Variants in MGMT observed in about 807,000 individuals in gnomAD.
The protein encoded by MGMT is methylated-DNA--protein-cysteine methyltransferase.
Under a neutral mutation model 15.9 loss-of-function variants are expected in MGMT, and 14 were observed. The observed-to-expected ratio is 0.88, with a 90% CI of 0.58 to 1.37. The LOEUF (loss-of-function observed/expected upper bound fraction) is 1.37. MGMT is among the 40% of genes most tolerant of loss of function. The pLI is 0.00. For missense variants in MGMT, 282 were observed against 268.1 expected, an observed-to-expected ratio of 1.05 and a Z score of -0.36; for synonymous variants, 130 against 118.2, an observed-to-expected ratio of 1.10 and a Z score of -0.65.
At position 129,759,198 on chromosome 10, in the gene MGMT, T is replaced by C. The variant is rs367953562; in HGVS notation, c.275-4T>C. 1.6e-5 allele frequency: 26 copies of C among 1,614,130 alleles called. No individual in the cohort carries two copies. In the African/African-American group the frequency reaches 3.3e-4, roughly 21 times the overall value. On this transcript the variant is annotated splice_polypyrimidine_tract_variant and splice_region_variant and intron_variant, in intron 3 of 4. Transcript: ENST00000651593. ...ATAACATTATCCTGCATTCTTCCTT[T>C]CAGAGTCGTTCACCAGACAGGTGTT...
intron 3 of MGMT, among the ~76,000 whole-genome samples, chr10:129,710,645 G>A (rs977215687): frequency 6.6e-6 from 1 of 152,172 alleles, no homozygotes; most frequent in Admixed American, 6.5e-5. Context: ...ATGTGGATAC[G>A]CCCCTCTCTG....
chr10:129,525,129 C>T (rs969412670), intron 1 of MGMT, among the ~76,000 whole-genome samples: 1 of 152,192 alleles, frequency 6.6e-6, no homozygotes, highest in East Asian at 1.9e-4. Context: ...CTTTCACACA[C>T]ACACACAGCA....
At chr10:129,753,639 A>C (rs1848773500) in intron 3 of MGMT, among the ~76,000 whole-genome samples, 2 of 152,020 alleles carry the variant, frequency 1.3e-5, no homozygotes, top group Non-Finnish European at 2.9e-5. Context: ...GTATTTTTCA[A>C]CACTAAATTT....
chr10:129,702,555 G>A (rs1015532785), intron 2 of MGMT, among the ~76,000 whole-genome samples: 4 of 152,154 alleles, frequency 2.6e-5, no homozygotes, highest in Admixed American at 6.5e-5. Flanking sequence ...GGATGGGATA[G>A]GAAGGGGCTG....
Position 129,474,071 on chromosome 10 carries a change from G to C in MGMT, c.-13+6775G>C, listed in dbSNP as rs571176499. On this transcript the variant is annotated intron_variant, in intron 1 of 4. Transcript: ENST00000651593. Reference sequence around the variant, plus strand: ...GTGGGCATTTTGAGCAGAGCAGTGGGACTATGGATGCGGGTACATTTGGGG... The same window carrying C: ...GTGGGCATTTTGAGCAGAGCAGTGGCACTATGGATGCGGGTACATTTGGGG... Among the ~76,000 whole-genome samples, 52 of 152,344 alleles carry C rather than the reference G, an allele frequency of 3.4e-4. No homozygotes were observed. The South Asian group carries it at 0.01, about 30-fold the overall frequency.
In MGMT at chr10:129,614,474, G is replaced by A. The variant is rs61746262; in HGVS notation, c.125+78097G>A. On this transcript the variant is annotated intron_variant, in intron 2 of 4. Coordinates refer to ENST00000651593, the MANE Select transcript of MGMT (RefSeq NM_002412.5). Reference sequence around the variant, plus strand: ...CGCTATGACTTCTTTGTGTGAGACTGTCAGAGTGTGTTCCTGGCCCTGACA... The same window carrying A: ...CGCTATGACTTCTTTGTGTGAGACTATCAGAGTGTGTTCCTGGCCCTGACA... Among the ~76,000 whole-genome samples the A allele has an allele frequency of 2.3e-3, 346 of 151,700 alleles. 1 individual carries two copies. Among genetic ancestry groups the A allele is most frequent in the African/African-American group, 7.9e-3 (326 of 41,290 alleles).
At chr10:129,469,444 A>G (rs1278858131) in intron 1 of MGMT, among the ~76,000 whole-genome samples, 1 of 152,064 alleles carries the variant, frequency 6.6e-6, no homozygotes, top group East Asian at 1.9e-4. Flanking sequence ...TTCCTTTAGC[A>G]TTATTCTTGT....
Position 129,770,901 on chromosome 10 carries a change from C to T in MGMT, c.*3904C>T, listed in dbSNP as rs565702648. Among the ~76,000 whole-genome samples, 5 of 151,866 alleles carry T rather than the reference C, an allele frequency of 3.3e-5. No individual in the cohort carries two copies. The highest frequency in any genetic ancestry group is 9.7e-5 in the African/African-American group (4 of 41,248). On this transcript the variant is annotated 3_prime_UTR_variant, in exon 5 of 5. Coordinates refer to ENST00000651593, the MANE Select transcript of MGMT (RefSeq NM_002412.5). ...TGGGGGATTTAAATTTTTGGCTTCC[C>T]TCAGACCTCAGACCGTGTGGGTTTT...
At chr10:129,712,621 C>T (rs532939271) in intron 3 of MGMT, among the ~76,000 whole-genome samples, 5 of 152,260 alleles carry the variant, frequency 3.3e-5, no homozygotes, top group Non-Finnish European at 5.9e-5. Flanking sequence ...AGGTTCCCAC[C>T]GTGTCCTGGA....
intron 2 of MGMT, among the ~76,000 whole-genome samples, chr10:129,547,411 T>G (rs1370010751): frequency 6.6e-6 from 1 of 152,102 alleles, no homozygotes; most frequent in Non-Finnish European, 1.5e-5. Context: ...AACACACACA[T>G]GCAAATATTT....
At chr10:129,648,084 A>G (rs1042863538) in intron 2 of MGMT, among the ~76,000 whole-genome samples, 1 of 152,238 alleles carries the variant, frequency 6.6e-6, no homozygotes, top group African/African-American at 2.4e-5. Flanking sequence ...GAAATAATAT[A>G]GTATATATCA....
chr10:129,526,738 A>G (rs1054490619), intron 1 of MGMT, among the ~76,000 whole-genome samples: 1 of 152,176 alleles, frequency 6.6e-6, no homozygotes, highest in African/African-American at 2.4e-5. Flanking sequence ...AGCTGCAAAG[A>G]TGGTCCTGGA....
intron 2 of MGMT, among the ~76,000 whole-genome samples, chr10:129,550,448 CTTTT>C (rs58863411): frequency 3.0e-5 from 4 of 131,212 alleles, no homozygotes; most frequent in African/African-American, 1.1e-4. Context: ...TGTTTTGATT[CTTTT>C]TTTTTTTTTT....
intron 2 of MGMT, among the ~76,000 whole-genome samples, chr10:129,702,940 C>T (rs1274889746): frequency 6.6e-6 from 1 of 152,188 alleles, no homozygotes; most frequent in Non-Finnish European, 1.5e-5. Context: ...ATCACCCCAG[C>T]TCTTCTTCCA....
At chr10:129,637,625 G>T (rs533635897) in intron 2 of MGMT, among the ~76,000 whole-genome samples, 2 of 152,140 alleles carry the variant, frequency 1.3e-5, no homozygotes, top group African/African-American at 2.4e-5. Context: ...CCCTCAGTAC[G>T]TCGGAGCGTG....
At chr10:129,534,131 A>G (rs1845961089) in intron 1 of MGMT, among the ~76,000 whole-genome samples, 1 of 152,192 alleles carries the variant, frequency 6.6e-6, no homozygotes, top group Non-Finnish European at 1.5e-5. Flanking sequence ...TTGAAGCACC[A>G]AGAGTGATTT....
chr10:129,729,317 G>T (rs1164604383), intron 3 of MGMT, among the ~76,000 whole-genome samples: 1 of 152,186 alleles, frequency 6.6e-6, no homozygotes, highest in African/African-American at 2.4e-5. Context: ...TCCCAGCCAG[G>T]AGAGCAGCAG....
At chr10:129,759,837 G>A (rs967528646) in intron 4 of MGMT, among the ~76,000 whole-genome samples, 2 of 152,108 alleles carry the variant, frequency 1.3e-5, no homozygotes, top group African/African-American at 4.8e-5. Flanking sequence ...GAGGCCCAGG[G>A]CTCCCTGGGT....
At chr10:129,685,218 A>G (rs1383069119) in intron 2 of MGMT, among the ~76,000 whole-genome samples, 2 of 152,254 alleles carry the variant, frequency 1.3e-5, no homozygotes, top group African/African-American at 2.4e-5. Context: ...GATGATGGAC[A>G]AGAACACTTT....
Sources: allele counts gnomAD v4.1 joint callset (sites outside exome capture counted in the v4.1 genomes callset), GRCh38; gene constraint gnomAD v4.1.1; transcripts MANE v1.5; gene names NCBI Gene and HGNC (gene_info 2026-07-23, HGNC 2026-07-21).